The following ELP4 variants were observed in gnomAD, a reference collection of about 807,000 sequenced individuals.
ELP4 encodes the protein elongator acetyltransferase complex subunit 4.
ELP4 carries 51 observed loss-of-function variants against 48.9 expected under a neutral mutation model. The observed-to-expected ratio is 1.04, with a 90% CI of 0.83 to 1.32. ELP4 has a LOEUF of 1.32. ELP4 is among the 40% of genes most tolerant of loss of function. The pLI is 0.00. For synonymous variants in ELP4, 210 were observed against 189.2 expected, an observed-to-expected ratio of 1.11 and a Z score of -0.90; for missense variants, 519 against 514.6, an observed-to-expected ratio of 1.01 and a Z score of -0.08.
intron 9 of ELP4, among the ~76,000 whole-genome samples, chr11:31,739,039 A>T (rs1249433462): frequency 6.6e-6 from 1 of 152,100 alleles, no homozygotes; most frequent in Admixed American, 6.5e-5. Flanking sequence ...CTGCACACCT[A>T]AAAAGTCATT....
At chr11:31,673,309 G>A (rs1487718755) in intron 9 of ELP4, among the ~76,000 whole-genome samples, 1 of 151,402 alleles carries the variant, frequency 6.6e-6, no homozygotes, top group Non-Finnish European at 1.5e-5. Flanking sequence ...AGCCATTAGT[G>A]GGTTGTTTTT....
At chr11:31,620,414 C>T (rs1348039775) in intron 5 of ELP4, among the ~76,000 whole-genome samples, 1 of 151,878 alleles carries the variant, frequency 6.6e-6, no homozygotes, top group Non-Finnish European at 1.5e-5. Flanking sequence ...AAATGATTGC[C>T]TATGGGTACT....
intron 9 of ELP4, among the ~76,000 whole-genome samples, chr11:31,728,391 A>C (rs1476735537): frequency 6.6e-6 from 1 of 152,194 alleles, no homozygotes; most frequent in Non-Finnish European, 1.5e-5. Context: ...TTGTCAAAAA[A>C]TTAAGTATTT....
intron 9 of ELP4, among the ~76,000 whole-genome samples, chr11:31,666,495 G>A (rs1016370921): frequency 6.6e-6 from 1 of 151,838 alleles, no homozygotes; most frequent in Admixed American, 6.6e-5. Context: ...AGATCGAGAC[G>A]ATTCTGGCCA....
At chr11:31,734,256 A>T (rs996451996) in intron 9 of ELP4, among the ~76,000 whole-genome samples, 1 of 152,238 alleles carries the variant, frequency 6.6e-6, no homozygotes, top group Non-Finnish European at 1.5e-5. Context: ...CACAGCTAAC[A>T]TACTGTATGG....
chr11:31,768,938 C>T (rs1021294309), intron 9 of ELP4, among the ~76,000 whole-genome samples: 19 of 152,158 alleles, frequency 1.2e-4, no homozygotes, highest in South Asian at 6.2e-4. Context: ...GCACATGCTT[C>T]GGTTCTGAAT....
chr11:31,623,390 T>TATAAATATATATATAA lies in ELP4; in HGVS notation c.654-3719_654-3718insTAAATATATATATAAA, dbSNP rs67986763. 8.4e-3 allele frequency among the ~76,000 whole-genome samples: 781 copies of TATAAATATATATATAA among 92,554 alleles called. 29 individuals are homozygous for TATAAATATATATATAA. The highest frequency in any genetic ancestry group is 0.016 in the African/African-American group (435 of 27,924). The allele number at this position is 92,554 out of a possible 152,430, so 60.7% of individuals were successfully genotyped here. ...ATATATATATATATATATATATATA[T>TATAAATATATATATAA]AAAACTAGAAACATTGCTGGCAAAG... is the stretch of plus-strand genomic sequence containing the variant. On this transcript the variant is annotated intron_variant, in intron 5 of 9. Transcript: ENST00000640961.
Position 31,783,553 on chromosome 11 carries a change from A to G in ELP4, c.*29A>G. 1 of 1,604,862 alleles carries G rather than the reference A, an allele frequency of 6.2e-7. No individual in the cohort carries two copies. The highest frequency in any genetic ancestry group is 8.5e-7 in the Non-Finnish European group (1 of 1,174,060). ...TTCCTCCTTAGTCGCTGCATGCAGA[A>G]TTCTATGACACTCTAATTATGATTG... On this transcript the variant is annotated 3_prime_UTR_variant, in exon 10 of 10. Coordinates refer to ENST00000640961, the MANE Select transcript of ELP4 (RefSeq NM_019040.5).
chr11:31,541,314 T>C (rs1458213426), intron 3 of ELP4: 1 of 152,234 alleles, frequency 6.6e-6, no homozygotes, highest in Non-Finnish European at 1.5e-5. Flanking sequence ...TTCCTCTGGT[T>C]GTAGGGCTTA....
At chr11:31,662,800 T>A (rs1945592125) in intron 9 of ELP4, 1 of 372,782 alleles carries the variant, frequency 2.7e-6, no homozygotes, top group East Asian at 3.8e-5. Context: ...ATTTTTCAAA[T>A]AGTCTGCATT....
At chr11:31,640,331 G>T (rs1487913366) in intron 7 of ELP4, among the ~76,000 whole-genome samples, 2 of 151,706 alleles carry the variant, frequency 1.3e-5, no homozygotes, top group African/African-American at 4.8e-5. Context: ...CATGAGTTTT[G>T]AATTATTCCT....
At chr11:31,761,188 A>G (rs1202775170) in intron 9 of ELP4, among the ~76,000 whole-genome samples, 1 of 152,188 alleles carries the variant, frequency 6.6e-6, no homozygotes, top group African/African-American at 2.4e-5. Flanking sequence ...AATTTCAAAA[A>G]TTAGCTGGGC....
intron 9 of ELP4, among the ~76,000 whole-genome samples, chr11:31,740,746 A>T (rs1441407252): frequency 6.6e-6 from 1 of 152,204 alleles, no homozygotes; most frequent in South Asian, 2.1e-4. Context: ...TTTTAATAAA[A>T]CAAATTTGGG....
At chr11:31,610,088 A>G (rs1188819147) in intron 5 of ELP4, among the ~76,000 whole-genome samples, 1 of 152,168 alleles carries the variant, frequency 6.6e-6, no homozygotes, top group Non-Finnish European at 1.5e-5. Context: ...GAAATTCTAT[A>G]GAACATCTAA....
At chr11:31,672,374 G>A (rs917193600) in intron 9 of ELP4, among the ~76,000 whole-genome samples, 12 of 152,162 alleles carry the variant, frequency 7.9e-5, no homozygotes, top group African/African-American at 2.7e-4. Flanking sequence ...GGACTTAGAA[G>A]TCTTTTGTTA....
In ELP4 at chr11:31,744,816, T is replaced by G. The variant is rs550117597; in HGVS notation, c.1144-38577T>G. 9.9e-5 allele frequency among the ~76,000 whole-genome samples: 15 copies of G among 152,164 alleles called. No individual in the cohort carries two copies. The South Asian group carries it at 3.1e-3, about 32-fold the overall frequency. ...TGGGCAAAAACTGGAAGCATTCCCT[T>G]TGAAAACTGGCACAAGACAGGGATG... On this transcript the variant is annotated intron_variant, in intron 9 of 9. Transcript: ENST00000640961.
chr11:31,767,174 A>G (rs1948058486), intron 9 of ELP4: 1 of 152,164 alleles, frequency 6.6e-6, no homozygotes, highest in South Asian at 2.1e-4. Flanking sequence ...TCCCTCCACT[A>G]TTTCATTTTG....
At chr11:31,589,276 A>G (rs775181801) in intron 3 of ELP4, among the ~76,000 whole-genome samples, 2 of 152,206 alleles carry the variant, frequency 1.3e-5, no homozygotes, top group Non-Finnish European at 2.9e-5. Flanking sequence ...ATACATTACC[A>G]TATAGTCCCT....
At chr11:31,696,184 CTTAGT>C (rs1177393339) in intron 9 of ELP4, among the ~76,000 whole-genome samples, 1 of 152,002 alleles carries the variant, frequency 6.6e-6, no homozygotes, top group African/African-American at 2.4e-5. Flanking sequence ...CTGCTCTTAT[CTTAGT>C]TATTTCTTGC....
Sources: allele counts gnomAD v4.1 joint callset (sites outside exome capture counted in the v4.1 genomes callset), GRCh38; gene constraint gnomAD v4.1.1; transcripts MANE v1.5; gene names NCBI Gene and HGNC (gene_info 2026-07-23, HGNC 2026-07-21).